DYNC2H1: variants seen among roughly 807,000 people sequenced by gnomAD.
DYNC2H1 encodes dynein cytoplasmic 2 heavy chain 1, also known as cytoplasmic dynein 2 heavy chain 1.
DYNC2H1 carries 410 observed loss-of-function variants against 570.0 expected under a neutral mutation model. The observed-to-expected ratio is 0.72, with a 90% CI of 0.66 to 0.78. The LOEUF (loss-of-function observed/expected upper bound fraction) is 0.78. DYNC2H1 is among the 30% of genes least tolerant of loss of function. The pLI, the probability that DYNC2H1 is intolerant of heterozygous loss-of-function variation, is 0.00. For synonymous variants in DYNC2H1, 1,688 were observed against 1,677.6 expected (o/e 1.01, Z -0.15); for missense variants, 4,865 against 5,046.4 (o/e 0.96, Z 1.09).
chr11:103,359,204 ATC>A (rs1565525663), intron 83 of DYNC2H1, among the ~76,000 whole-genome samples: 1 of 152,186 alleles, frequency 6.6e-6, no homozygotes, highest in Non-Finnish European at 1.5e-5. Context: ...CACAACTTAT[ATC>A]TCTGTTTTTT....
At chr11:103,399,381 C>G (rs1018587148) in intron 83 of DYNC2H1, among the ~76,000 whole-genome samples, 16 of 149,126 alleles carry the variant, frequency 1.1e-4, no homozygotes, top group Admixed American at 1.0e-3. Context: ...GTCTCAAACT[C>G]CTTACCTCAA....
intron 74 of DYNC2H1, 65 bp downstream of exon 74, chr11:103,286,451 T>A: frequency 6.4e-7 from 1 of 1,561,400 alleles, no homozygotes; most frequent in Non-Finnish European, 8.7e-7. Context: ...TCAGAAGCCA[T>A]TTAAAGGAAA....
intron 70 of DYNC2H1, among the ~76,000 whole-genome samples, chr11:103,279,375 G>A (rs1383293638): frequency 1.3e-5 from 2 of 152,174 alleles, no homozygotes; most frequent in Admixed American, 6.5e-5. Context: ...ATTTCAAAGA[G>A]TTGAAGTCAA....
At chr11:103,260,806 G>A (rs1865249277) in intron 70 of DYNC2H1, among the ~76,000 whole-genome samples, 1 of 151,804 alleles carries the variant, frequency 6.6e-6, no homozygotes, top group Non-Finnish European at 1.5e-5. Context: ...TTTTAGTAGA[G>A]AGAGGGATTC....
At chr11:103,362,687 C>T (rs978495550) in intron 83 of DYNC2H1, among the ~76,000 whole-genome samples, 1 of 152,136 alleles carries the variant, frequency 6.6e-6, no homozygotes, top group African/African-American at 2.4e-5. Context: ...TACAAAGTTG[C>T]TAAACATCCT....
chr11:103,168,654 C>T (rs1476696759), intron 31 of DYNC2H1, 101 bp from the exon 32 acceptor site: 2 of 1,235,514 alleles, frequency 1.6e-6, no homozygotes, highest in African/African-American at 3.1e-5. Flanking sequence ...ATGAAATTAC[C>T]ATTTAAATTC....
rs1183197210 is a variant in DYNC2H1 at position 103,465,444 on chromosome 11, A to T, written c.12649-3145A>T. Among the ~76,000 whole-genome samples, 1 of 149,662 alleles carries T rather than the reference A, an allele frequency of 6.7e-6. No individual in the cohort carries two copies. Among genetic ancestry groups the T allele is most frequent in the African/African-American group, 2.5e-5 (1 of 40,744 alleles). On this transcript the variant is annotated intron_variant, in intron 87 of 88. Coordinates refer to ENST00000375735, the MANE Select transcript of DYNC2H1 (RefSeq NM_001377.3). The surrounding 1 kb of genome is among the most constrained non-coding windows in gnomAD (Gnocchi z 4.9). ...TTAATGCAATTTCAACCAGTATCCC[A>T]AAGTGTGTTTTGTTTTTTTTTTTAA...
Position 103,252,998 on chromosome 11 carries a change from C to T in DYNC2H1, c.10043-287C>T, listed in dbSNP as rs1430868. On this transcript the variant is annotated intron_variant, in intron 65 of 88. Transcript: ENST00000375735. The surrounding 1 kb of genome is among the most constrained non-coding windows in gnomAD (Gnocchi z 4.6). ...CTATAATCAGCCATTTCAGAGCAATCTGGAATATGAAACATATTAATGTTA... is the reference window on the plus strand; with the variant it reads ...CTATAATCAGCCATTTCAGAGCAATTTGGAATATGAAACATATTAATGTTA... Among the ~76,000 whole-genome samples, 26,827 of 152,072 alleles carry T rather than the reference C, an allele frequency of 0.18. 3,019 individuals are homozygous for T. The highest frequency in any genetic ancestry group is 0.32 in the African/African-American group (13,358 of 41,482).
At chr11:103,260,485 TAGTGTTTGATCCTG>T (rs1458699029) in intron 70 of DYNC2H1, among the ~76,000 whole-genome samples, 46 of 152,326 alleles carry the variant, frequency 3.0e-4, no homozygotes, top group African/African-American at 1.1e-3. Context: ...GGAAGTAAAC[TAGTGTTTGATCCTG>T]AGTTATGAAA....
intron 83 of DYNC2H1, among the ~76,000 whole-genome samples, chr11:103,398,912 C>T (rs1002070818): frequency 6.6e-6 from 1 of 151,932 alleles, no homozygotes; most frequent in African/African-American, 2.4e-5. Context: ...TTTCGTTTTA[C>T]TGTGGTTTTG....
chr11:103,135,892 T>G lies in DYNC2H1; in HGVS notation c.2518T>G (p.Phe840Val), dbSNP rs1312487807. The G allele has an allele frequency of 6.2e-7, 1 of 1,612,944 alleles. No individual in the cohort carries two copies. The highest frequency in any genetic ancestry group is 1.3e-5 in the African/African-American group (1 of 74,910). The change falls in exon 17 of 89, where the codon TTC (phenylalanine) becomes GTC (valine). Residue 840 changes from phenylalanine (F) to valine (V), a missense_variant. By Grantham distance (50) the Phe-to-Val change is conservative. Around this residue, in one of 5 missense-constraint regions of DYNC2H1, gnomAD observed 1,936 missense variants for 1,962.1 expected, o/e 0.99. Transcript: ENST00000375735. ...DRNASGFLTI[F>V]SKAEDLFRRL... ...AAATGCAAGTGGATTTTTGACGATT[T>G]TCAGCAAAGCAGAAGATCTGTTTAG...
In DYNC2H1 at chr11:103,148,389, T is replaced by G; in HGVS notation, c.2819-101T>G. ...ATAATTTAGAACTTATTGTATTCCA[T>G]GTACTGATTACTTCTACCACCCCTT... On this transcript the variant is annotated intron_variant, in intron 19 of 88. Transcript: ENST00000375735. 3 of 1,223,514 alleles carry G rather than the reference T, an allele frequency of 2.5e-6. No individual in the cohort carries two copies. The South Asian group carries it at 4.2e-5, about 17-fold the overall frequency. 75.8% of individuals were successfully genotyped at this position (1,223,514 alleles called of 1,614,324 possible).
At chr11:103,477,851 A>AAAAT (rs1164242421) in intron 88 of DYNC2H1, among the ~76,000 whole-genome samples, 2 of 151,342 alleles carry the variant, frequency 1.3e-5, no homozygotes, top group Non-Finnish European at 3.0e-5. Context: ...AAAAAAAAAA[A>AAAAT]AAAAAGATCA....
intron 5 of DYNC2H1, among the ~76,000 whole-genome samples, chr11:103,117,372 G>T (rs2134699807): frequency 6.6e-6 from 1 of 150,868 alleles, no homozygotes; most frequent in African/African-American, 2.4e-5. Flanking sequence ...TTGGTGTGCT[G>T]CATATGTATT....
At position 103,268,202 on chromosome 11, in the gene DYNC2H1, C is replaced by T. The variant is rs1232918941; in HGVS notation, c.10695+8225C>T. The stretch of plus-strand genomic sequence containing the variant: ...CTTTTTACCAGTTAATATCTCTACC[C>T]ACATAATAATAAAGGTATATCTTTA... On this transcript the variant is annotated intron_variant, in intron 70 of 88. Transcript: ENST00000375735. The surrounding 1 kb of genome is among the most constrained non-coding windows in gnomAD (Gnocchi z 4.6). 6.6e-6 allele frequency among the ~76,000 whole-genome samples: 1 copy of T among 151,982 alleles called. No individual in the cohort carries two copies. Among genetic ancestry groups the T allele is most frequent in the Non-Finnish European group, 1.5e-5 (1 of 67,928 alleles).
intron 87 of DYNC2H1, among the ~76,000 whole-genome samples, chr11:103,458,229 A>T (rs1237386257): frequency 6.6e-6 from 1 of 152,136 alleles, no homozygotes; most frequent in African/African-American, 2.4e-5. Context: ...GCATAGATAC[A>T]CTTACCATGT....
intron 84 of DYNC2H1, among the ~76,000 whole-genome samples, chr11:103,431,051 C>A (rs1943870881): frequency 6.6e-6 from 1 of 151,914 alleles, no homozygotes; most frequent in African/African-American, 2.4e-5. Flanking sequence ...CTCATACTTG[C>A]TGCATAATCA....
At chr11:103,383,711 T>C (rs1004454734) in intron 83 of DYNC2H1, among the ~76,000 whole-genome samples, 6 of 151,974 alleles carry the variant, frequency 3.9e-5, no homozygotes, top group Non-Finnish European at 7.4e-5. Flanking sequence ...CCTGACCTCA[T>C]GATCTGCCCG....
chr11:103,458,272 C>G (rs1484858032), intron 87 of DYNC2H1, among the ~76,000 whole-genome samples: 1 of 152,166 alleles, frequency 6.6e-6, no homozygotes, highest in African/African-American at 2.4e-5. Context: ...AGCACAATTA[C>G]ATGCTGTACA....
Sources: allele counts gnomAD v4.1 joint callset (sites outside exome capture counted in the v4.1 genomes callset), GRCh38; gene constraint gnomAD v4.1.1; regional missense constraint gnomAD v4.1.1; non-coding constraint Gnocchi (gnomAD v3.1); transcripts MANE v1.5; gene names NCBI Gene and HGNC (gene_info 2026-07-23, HGNC 2026-07-21).